Variants in MAP3K13 observed in about 807,000 individuals in gnomAD.
MAP3K13 encodes the protein leucine zipper-bearing kinase.
Under a neutral mutation model 104.0 loss-of-function variants are expected in MAP3K13, and 52 were observed. The ratio of observed to expected loss-of-function variants is 0.50; its 90% confidence interval spans 0.40 to 0.63. The LOEUF (loss-of-function observed/expected upper bound fraction) is 0.63. Among genes scored for constraint, MAP3K13 ranks in the 20% least tolerant of loss-of-function variants. The probability of loss-of-function intolerance (pLI) is 0.00; values close to 1 mark genes in which losing one functional copy is unlikely to be tolerated. For synonymous variants in MAP3K13, 394 were observed against 442.2 expected (o/e 0.89, Z 1.37); for missense variants, 914 against 1,218.5 (o/e 0.75, Z 3.72).
At chr3:185,290,845 C>T (rs138315221) in intron 2 of MAP3K13, among the ~76,000 whole-genome samples, 2 of 152,156 alleles carry the variant, frequency 1.3e-5, no homozygotes, top group African/African-American at 4.8e-5. Context: ...CAGGTTTATA[C>T]AAGCATATAA....
intron 1 of MAP3K13, among the ~76,000 whole-genome samples, chr3:185,389,948 T>G (rs943193749): frequency 6.6e-6 from 1 of 152,216 alleles, no homozygotes; most frequent in Non-Finnish European, 1.5e-5. Flanking sequence ...TTTGCAAATG[T>G]CTTTAATGTC....
At position 185,435,394 on chromosome 3, in the gene MAP3K13, G is replaced by A. The variant is rs146393444; in HGVS notation, c.476-2053G>A. 1.3e-3 allele frequency among the ~76,000 whole-genome samples: 204 copies of A among 152,250 alleles called. 9 individuals carry two copies. The East Asian group carries it at 0.036, about 27-fold the overall frequency. ...TCGATATCTGTGTACCACGTGTGCT[G>A]CATGTATGAGCCCATGGAGGTGAAA... On this transcript the variant is annotated intron_variant, in intron 2 of 13. Transcript: ENST00000265026.
chr3:185,460,945 G>C (rs1291787225), intron 7 of MAP3K13, among the ~76,000 whole-genome samples: 2 of 152,098 alleles, frequency 1.3e-5, no homozygotes, highest in African/African-American at 4.8e-5. Flanking sequence ...GTCCCTTCTT[G>C]GAGTATTTTA....
chr3:185,414,233 C>T (rs1296631425), intron 1 of MAP3K13, among the ~76,000 whole-genome samples: 3 of 152,154 alleles, frequency 2.0e-5, no homozygotes, highest in Non-Finnish European at 4.4e-5. Context: ...ATATGGGAAA[C>T]GTGTTTAGAG....
At chr3:185,422,287 G>T (rs958202454) in intron 1 of MAP3K13, among the ~76,000 whole-genome samples, 2 of 152,224 alleles carry the variant, frequency 1.3e-5, no homozygotes, top group African/African-American at 4.8e-5. Context: ...GGCTGAGGAA[G>T]GAGGACTCAT....
chr3:185,441,866 A>AC (rs1364981272), intron 3 of MAP3K13, among the ~76,000 whole-genome samples: 1 of 152,054 alleles, frequency 6.6e-6, no homozygotes, highest in African/African-American at 2.4e-5. Flanking sequence ...ATATGGTGAA[A>AC]CCCTGTCTCT....
chr3:185,300,434 A>G lies in MAP3K13; in HGVS notation c.-86+14791A>G, dbSNP rs566556555. 4.6e-5 allele frequency among the ~76,000 whole-genome samples: 7 copies of G among 151,660 alleles called. No homozygotes were observed. The South Asian group carries it at 8.3e-4, about 18-fold the overall frequency. ...GGTGATCCACCTGCCTTGGCCTCCC[A>G]AAGTGCTGGGATTACAGGCGTGAGC... On this transcript the variant is annotated intron_variant, in intron 2 of 14. Coordinates refer to the MAP3K13 transcript ENST00000424227.
intron 2 of MAP3K13, among the ~76,000 whole-genome samples, chr3:185,298,849 G>A (rs1721004416): frequency 6.6e-6 from 1 of 152,174 alleles, no homozygotes; most frequent in Non-Finnish European, 1.5e-5. Context: ...CTAAACTATG[G>A]TACACAGAAT....
At chr3:185,456,191 C>T (rs192494767) in intron 7 of MAP3K13, among the ~76,000 whole-genome samples, 38 of 152,004 alleles carry the variant, frequency 2.5e-4, no homozygotes, top group African/African-American at 8.2e-4. Context: ...ATCAGAGACT[C>T]CTGTCCTGTT....
rs1716343835 is a variant in MAP3K13, at chr3:185,454,996, TG to T, written c.1278+3602del. Among the ~76,000 whole-genome samples the T allele has an allele frequency of 2.4e-4, 9 of 37,116 alleles. No individual in the cohort carries two copies. The South Asian group carries it at 5.3e-3, about 22-fold the overall frequency. 24.3% of individuals were successfully genotyped at this position (37,116 alleles called of 152,430 possible). On this transcript the variant is annotated intron_variant, in intron 7 of 13. Coordinates refer to ENST00000265026, the MANE Select transcript of MAP3K13 (RefSeq NM_004721.5). ...ATATATGATATATATGAGATATATA[TG>T]ATATATATGAGATATATATGATATA...
Position 185,483,131 on chromosome 3 carries a change from T to C in MAP3K13, c.*675T>C, listed in dbSNP as rs564555219. ...CTTGCACCCAATGTCTTCAAGGGCA[T>C]GTGCTTCCTCTAGGAGGGAAAAACA... On this transcript the variant is annotated 3_prime_UTR_variant, in exon 14 of 14. Coordinates refer to ENST00000265026, the MANE Select transcript of MAP3K13 (RefSeq NM_004721.5). 13 of 233,158 alleles carry C rather than the reference T, an allele frequency of 5.6e-5. No individual in the cohort carries two copies. The East Asian group carries it at 7.3e-4, about 13-fold the overall frequency. 14.4% of individuals were successfully genotyped at this position (233,158 alleles called of 1,614,324 possible). A position where few individuals can be genotyped will look rare whatever the true frequency, so the allele number is the denominator to read the frequency against.
chr3:185,364,157 A>C (rs1025789548), intron 1 of MAP3K13, among the ~76,000 whole-genome samples: 6 of 152,176 alleles, frequency 3.9e-5, no homozygotes, highest in Non-Finnish European at 7.3e-5. Flanking sequence ...AGTTTATTCC[A>C]CTGTGTTGGG....
chr3:185,402,470 T>G (rs1712870617), intron 1 of MAP3K13, among the ~76,000 whole-genome samples: 1 of 152,224 alleles, frequency 6.6e-6, no homozygotes, highest in Non-Finnish European at 1.5e-5. Context: ...TTCTAGTGTG[T>G]ACTTTTAAAA....
At position 185,450,186 on chromosome 3, in the gene MAP3K13, TTCTATC is replaced by T. The variant is rs898463927; in HGVS notation, c.1169+130_1169+135del. ...GGGTTCAAATACTAGCTCTGCCCCT[TTCTATC>T]TGTGCAATTTTGGGCACGTTATTCA... On this transcript the variant is annotated intron_variant, in intron 6 of 13. Transcript: ENST00000265026. The surrounding 1 kb of genome is among the most constrained non-coding windows in gnomAD (Gnocchi z 4.2). The T allele has an allele frequency of 5.3e-5, 41 of 779,276 alleles. 1 individual carries two copies. The highest frequency in any genetic ancestry group is 3.0e-5 in the Non-Finnish European group (16 of 540,376). 48.3% of individuals were successfully genotyped at this position (779,276 alleles called of 1,614,324 possible).
At chr3:185,471,280 C>CA (rs1164390626) in intron 10 of MAP3K13, among the ~76,000 whole-genome samples, 2 of 146,762 alleles carry the variant, frequency 1.4e-5, no homozygotes, top group African/African-American at 2.5e-5. Flanking sequence ...TTGAGCATCC[C>CA]AAAAAAACTG....
chr3:185,483,019 G>C lies in MAP3K13; in HGVS notation c.*563G>C, dbSNP rs1357522997. 1 of 231,926 alleles carries C rather than the reference G, an allele frequency of 4.3e-6. No individual in the cohort carries two copies. The highest frequency in any genetic ancestry group is 8.5e-6 in the Non-Finnish European group (1 of 117,318). The allele number at this position is 231,926 out of a possible 1,614,324, so 14.4% of individuals were successfully genotyped here. A position where few individuals can be genotyped will look rare whatever the true frequency, so the allele number is the denominator to read the frequency against. On this transcript the variant is annotated 3_prime_UTR_variant, in exon 14 of 14. Coordinates refer to ENST00000265026, the MANE Select transcript of MAP3K13 (RefSeq NM_004721.5). ...GAACAGCAAAAGAAAAGCAATTCCA[G>C]GCAACTTGTGAACAGACCATATTCA...
intron 2 of MAP3K13, among the ~76,000 whole-genome samples, chr3:185,308,883 C>A (rs1014416575): frequency 4.6e-5 from 7 of 152,096 alleles, no homozygotes; most frequent in Non-Finnish European, 1.0e-4. Context: ...CTGTTCTTGG[C>A]TTTGAGCTTG....
chr3:185,336,147 A>C (rs1330472989), intron 2 of MAP3K13, among the ~76,000 whole-genome samples: 1 of 152,220 alleles, frequency 6.6e-6, no homozygotes, highest in East Asian at 1.9e-4. Flanking sequence ...TAGAGGCCAA[A>C]CTTCACCTTA....
In MAP3K13 at chr3:185,467,799, A is replaced by AT. The variant is rs60002058; in HGVS notation, c.1643+836_1643+837insT. Reference sequence around the variant, plus strand: ...TCTGTCTCAAAAAAAAAAAAAAAAAAGAAATACCTGAGACTGGGTAATTTA... The same window carrying AT: ...TCTGTCTCAAAAAAAAAAAAAAAAAATGAAATACCTGAGACTGGGTAATTTA... On this transcript the variant is annotated intron_variant, in intron 10 of 13. Transcript: ENST00000265026. 8.8e-4 allele frequency among the ~76,000 whole-genome samples: 134 copies of AT among 151,522 alleles called. 4 individuals carry two copies. In the Middle Eastern group the frequency reaches 0.017, roughly 19 times the overall value.
Sources: allele counts gnomAD v4.1 joint callset (sites outside exome capture counted in the v4.1 genomes callset), GRCh38; gene constraint gnomAD v4.1.1; non-coding constraint Gnocchi (gnomAD v3.1); transcripts MANE v1.5; gene names NCBI Gene and HGNC (gene_info 2026-07-23, HGNC 2026-07-21).